Variants in EVC observed in about 807,000 individuals in gnomAD.
EVC encodes evC complex member EVC.
A neutral mutation model predicts 118.9 loss-of-function variants in EVC; 116 were observed. The observed-to-expected ratio is 0.98, with a 90% CI of 0.84 to 1.14. The LOEUF (loss-of-function observed/expected upper bound fraction) is 1.14, where lower values mean the gene tolerates loss of function less well. Among genes scored for constraint, EVC ranks in the 50% most tolerant of loss-of-function variants. The pLI, the probability that EVC is intolerant of heterozygous loss-of-function variation, is 0.00. For missense variants in EVC, 1,401 were observed against 1,246.4 expected, an observed-to-expected ratio of 1.12 and a Z score of -1.87; for synonymous variants, 619 against 534.7, an observed-to-expected ratio of 1.16 and a Z score of -2.18.
rs1246365209 is a variant in EVC, at chr4:5,811,152, G to A, written c.*115G>A. On this transcript the variant is annotated 3_prime_UTR_variant, in exon 21 of 21. Coordinates refer to ENST00000264956, the MANE Select transcript of EVC (RefSeq NM_153717.3). ...ACGGAGAGGACAGCGGCATCTCTAGGCTCTTCTGAGAGGGACAGAGAAAGA... is the reference window on the plus strand; with the variant it reads ...ACGGAGAGGACAGCGGCATCTCTAGACTCTTCTGAGAGGGACAGAGAAAGA... The A allele has an allele frequency of 1.2e-6, 1 of 809,516 alleles. No individual in the cohort carries two copies. Among genetic ancestry groups the A allele is most frequent in the Non-Finnish European group, 2.1e-6 (1 of 475,366 alleles). The allele number at this position is 809,516 out of a possible 1,614,324, so 50.1% of individuals were successfully genotyped here.
At chr4:5,739,899 C>CAA (rs11343689) in intron 5 of EVC, among the ~76,000 whole-genome samples, 22,232 of 120,204 alleles carry the variant, frequency 0.18, 2,324 homozygotes, top group African/African-American at 0.25. Flanking sequence ...AACCCCATCT[C>CAA]AAAAAAAAAA....
In EVC at chr4:5,755,987, C is replaced by G. The variant is rs1243380124; in HGVS notation, c.1465-277C>G. Reference sequence around the variant, plus strand: ...GATGTCTGGGTGGCTGCAGCCAGGACAGAGGAGTGACAGAAGTGGTCCAGT... The same window carrying G: ...GATGTCTGGGTGGCTGCAGCCAGGAGAGAGGAGTGACAGAAGTGGTCCAGT... On this transcript the variant is annotated intron_variant, in intron 10 of 20. Coordinates refer to ENST00000264956, the MANE Select transcript of EVC (RefSeq NM_153717.3). This position sits in a 1 kb window ranked among gnomAD's most constrained non-coding sequence, Gnocchi z 4.1. 6.6e-6 allele frequency among the ~76,000 whole-genome samples: 1 copy of G among 152,160 alleles called. No homozygotes were observed. The highest frequency in any genetic ancestry group is 1.5e-5 in the Non-Finnish European group (1 of 68,022).
the EVC span, chr4:5,824,573 G>A: frequency 1.0e-6 from 1 of 972,086 alleles, no homozygotes; most frequent in Non-Finnish European, 1.2e-6. Flanking sequence ...CGGGTCCATT[G>A]ACCAAATCCG....
At position 5,729,332 on chromosome 4, in the gene EVC, A is replaced by G. The variant is rs1270028243; in HGVS notation, c.326A>G (p.Asn109Ser). ...VDECEPPSNS[N>S]ITAFALKAKV... Reference sequence around the variant, plus strand: ...GAATGTGAGCCGCCTTCCAACAGCAATATCACAGCATTCGCCCTGAAGGCC... The same window carrying G: ...GAATGTGAGCCGCCTTCCAACAGCAGTATCACAGCATTCGCCCTGAAGGCC... The change falls in exon 3 of 21, where the codon AAT (asparagine) becomes AGT (serine). Residue 109 changes from asparagine (N) to serine (S), a missense_variant. By Grantham distance (46) the Asn-to-Ser change is conservative (BLOSUM62 1). Transcript: ENST00000264956. 3.1e-6 allele frequency: 5 copies of G among 1,614,016 alleles called. No homozygotes were observed. The highest frequency in any genetic ancestry group is 2.2e-5 in the East Asian group (1 of 44,888).
Position 5,745,001 on chromosome 4 carries a change from G to C in EVC, c.802-203G>C, listed in dbSNP as rs1729143495. Among the ~76,000 whole-genome samples the C allele has an allele frequency of 6.8e-5, 10 of 147,244 alleles. No homozygotes were observed. The South Asian group carries it at 2.1e-3, about 31-fold the overall frequency. On this transcript the variant is annotated intron_variant, in intron 6 of 20. Coordinates refer to ENST00000264956, the MANE Select transcript of EVC (RefSeq NM_153717.3). ...TTTTTTTTTGAGGGAGGATATAGAGGAAAATAATCCATTATTCTTGAGGCT... is the reference window on the plus strand; with the variant it reads ...TTTTTTTTTGAGGGAGGATATAGAGCAAAATAATCCATTATTCTTGAGGCT...
At chr4:5,779,000 C>T (rs1480442142) in intron 11 of EVC, among the ~76,000 whole-genome samples, 4 of 152,116 alleles carry the variant, frequency 2.6e-5, no homozygotes, top group Non-Finnish European at 2.9e-5. Context: ...TTTAATCCAT[C>T]TTGAATTGAT....
At chr4:5,828,057 G>C in the EVC span, 3 of 985,042 alleles carry the variant, frequency 3.0e-6, no homozygotes, top group Non-Finnish European at 3.6e-6. Context: ...CAAGATGCCA[G>C]GGGTAACACC....
At chr4:5,777,923 G>T (rs1734954223) in intron 11 of EVC, among the ~76,000 whole-genome samples, 2 of 152,108 alleles carry the variant, frequency 1.3e-5, no homozygotes, top group Admixed American at 1.3e-4. Context: ...GTGACATGCT[G>T]GTGCGCTGCA....
chr4:5,810,103 G>A (rs1471553333), intron 19 of EVC, among the ~76,000 whole-genome samples: 1 of 152,206 alleles, frequency 6.6e-6, no homozygotes. Context: ...TAGCAGACTG[G>A]AGCTCAAGCC....
chr4:5,815,877 G>GAGGC (rs1244318050), downstream of EVC, among the ~76,000 whole-genome samples: 1 of 152,200 alleles, frequency 6.6e-6, no homozygotes, highest in African/African-American at 2.4e-5. Flanking sequence ...GGAAGGGAGG[G>GAGGC]AGGCCTGGGA....
In EVC at chr4:5,719,900, G is replaced by A. The variant is rs545490708; in HGVS notation, c.300+527G>A. On this transcript the variant is annotated intron_variant, in intron 2 of 20. Transcript: ENST00000264956. The surrounding 1 kb of genome is among the most constrained non-coding windows in gnomAD (Gnocchi z 4.7). ...TGTGTGTATTTCATTGGCAGACCGG[G>A]CTGTTTTCAGAATTTGACTGTAATG... Among the ~76,000 whole-genome samples, 14 of 152,318 alleles carry A rather than the reference G, an allele frequency of 9.2e-5. No individual in the cohort carries two copies. The highest frequency in any genetic ancestry group is 3.4e-4 in the African/African-American group (14 of 41,570).
At chr4:5,720,369 G>T (rs1326182333) in intron 2 of EVC, among the ~76,000 whole-genome samples, 1 of 152,156 alleles carries the variant, frequency 6.6e-6, no homozygotes, top group Non-Finnish European at 1.5e-5. Flanking sequence ...AGGCTCAGAG[G>T]TAGGCTGCTT....
Position 5,756,176 on chromosome 4 carries a change from G to C in EVC, c.1465-88G>C. The C allele has an allele frequency of 1.0e-6, 1 of 990,600 alleles. No homozygotes were observed. Among genetic ancestry groups the C allele is most frequent in the Non-Finnish European group, 1.6e-6 (1 of 642,524 alleles). 61.4% of individuals were successfully genotyped at this position (990,600 alleles called of 1,614,324 possible). A position where few individuals can be genotyped will look rare whatever the true frequency, so the allele number is the denominator to read the frequency against. On this transcript the variant is annotated intron_variant, in intron 10 of 20. Transcript: ENST00000264956. This position sits in a 1 kb window ranked among gnomAD's most constrained non-coding sequence, Gnocchi z 4.2. ...GCCAACATCCTTCTTTCTAACCTGA[G>C]ATGCAGGGGATGGTTGGAGAACCTT...
intron 11 of EVC, among the ~76,000 whole-genome samples, chr4:5,767,863 T>A (rs967270327): frequency 6.6e-6 from 1 of 152,190 alleles, no homozygotes; most frequent in African/African-American, 2.4e-5. Context: ...ACCCATCTTC[T>A]GCGTCGCTCA....
rs771160169 is a variant in EVC, at chr4:5,811,475, A to G, written c.*438A>G. On this transcript the variant is annotated 3_prime_UTR_variant, in exon 21 of 21. Transcript: ENST00000264956. ...TGTATTCTCTGAGGACACTTAGAATATGAGGAAGAGGGTGTGGCCCAACCC... is the reference window on the plus strand; with the variant it reads ...TGTATTCTCTGAGGACACTTAGAATGTGAGGAAGAGGGTGTGGCCCAACCC... 1 of 233,600 alleles carries G rather than the reference A, an allele frequency of 4.3e-6. No homozygotes were observed. Among genetic ancestry groups the G allele is most frequent in the Non-Finnish European group, 8.5e-6 (1 of 118,190 alleles). The allele number at this position is 233,600 out of a possible 1,614,324, so 14.5% of individuals were successfully genotyped here. A position where few individuals can be genotyped will look rare whatever the true frequency, so the allele number is the denominator to read the frequency against.
At chr4:5,796,784 A>T (rs1029256998) in intron 13 of EVC, among the ~76,000 whole-genome samples, 1 of 151,788 alleles carries the variant, frequency 6.6e-6, no homozygotes, top group African/African-American at 2.4e-5. Context: ...AGGCTGCTGT[A>T]CACATGCATT....
At chr4:5,773,683 C>T (rs1294700439) in intron 11 of EVC, among the ~76,000 whole-genome samples, 2 of 152,022 alleles carry the variant, frequency 1.3e-5, no homozygotes, top group Non-Finnish European at 2.9e-5. Context: ...GGTATCCTCC[C>T]TTCCTTTTTT....
chr4:5,760,892 T>G (rs542834330), intron 11 of EVC, among the ~76,000 whole-genome samples: 51 of 152,318 alleles, frequency 3.3e-4, no homozygotes, highest in African/African-American at 1.1e-3. Flanking sequence ...AGAATTAGTC[T>G]GGAGGGATTT....
intron 13 of EVC, 95 bp downstream of exon 13, chr4:5,793,812 G>C: frequency 1.1e-6 from 1 of 911,728 alleles, no homozygotes; most frequent in East Asian, 2.6e-5. Context: ...CACGCTGACT[G>C]CCCCTCAGCT....
Sources: gnomAD v4.1 joint callset for allele counts (sites outside exome capture counted in the v4.1 genomes callset) on GRCh38, gnomAD v4.1.1 for gene constraint, Gnocchi (gnomAD v3.1) non-coding constraint, MANE v1.5 for transcripts, NCBI Gene and HGNC (gene_info 2026-07-23, HGNC 2026-07-21) for gene names.